The following METTL8 variants were observed in gnomAD, a reference collection of about 807,000 sequenced individuals.
METTL8 encodes the protein methyltransferase 8, tRNA N3-cytidine.
Under a neutral mutation model 48.7 loss-of-function variants are expected in METTL8, and 32 were observed. The observed-to-expected ratio is 0.66, with a 90% CI of 0.50 to 0.88. The LOEUF (loss-of-function observed/expected upper bound fraction) is 0.88. METTL8 is among the 40% of genes least tolerant of loss of function. The pLI, the probability that METTL8 is intolerant of heterozygous loss-of-function variation, is 0.00. For missense variants in METTL8, 464 were observed against 474.4 expected (o/e 0.98, Z 0.20); for synonymous variants, 136 against 157.1 (o/e 0.87, Z 1.01).
intron 1 of METTL8, among the ~76,000 whole-genome samples, chr2:171,432,861 T>C (rs1418057908): frequency 1.3e-5 from 2 of 152,184 alleles, no homozygotes; most frequent in African/African-American, 4.8e-5. Flanking sequence ...ATAGGCCAAT[T>C]GATATAAACA....
At chr2:171,424,290 A>C (rs917905054) in intron 1 of METTL8, among the ~76,000 whole-genome samples, 5 of 152,006 alleles carry the variant, frequency 3.3e-5, no homozygotes, top group African/African-American at 1.2e-4. Context: ...TGGAGCCCCC[A>C]CACAGAGTCC....
At chr2:171,374,424 G>T (rs1008509810) in intron 2 of METTL8, among the ~76,000 whole-genome samples, 4 of 152,034 alleles carry the variant, frequency 2.6e-5, no homozygotes, top group Admixed American at 6.6e-5. Context: ...AGTATACATA[G>T]ATCTCTCATT....
chr2:171,350,898 T>G (rs1453692528), intron 3 of METTL8, among the ~76,000 whole-genome samples: 1 of 152,242 alleles, frequency 6.6e-6, no homozygotes, highest in Non-Finnish European at 1.5e-5. Context: ...AAAAATTTTC[T>G]CCCATTCTGT....
rs374912025 is a variant in METTL8 at position 171,335,507 on chromosome 2, C to A, written c.656+1946G>T. 1.2e-3 allele frequency among the ~76,000 whole-genome samples: 190 copies of A among 152,258 alleles called. 4 individuals carry two copies. In the South Asian group the frequency reaches 0.038, roughly 31 times the overall value. On this transcript the variant is annotated intron_variant, in intron 5 of 9. Transcript: ENST00000375258. ...TAGTGCGATCTCAGCTCACTGCAACCTCCACCTCCTGGGTTCAAGCAATTC... is the reference window on the plus strand; with the variant it reads ...TAGTGCGATCTCAGCTCACTGCAACATCCACCTCCTGGGTTCAAGCAATTC...
intron 2 of METTL8, among the ~76,000 whole-genome samples, chr2:171,364,645 ATTG>A (rs1207673400): frequency 3.9e-5 from 6 of 152,152 alleles, no homozygotes; most frequent in Admixed American, 1.3e-4. Context: ...AATCTAAATA[ATTG>A]TGTATTTGGT....
At chr2:171,334,527 T>C (rs1156416372) in intron 5 of METTL8, among the ~76,000 whole-genome samples, 2 of 152,184 alleles carry the variant, frequency 1.3e-5, no homozygotes, top group African/African-American at 2.4e-5. Flanking sequence ...GGTCTAATTA[T>C]GGTAAAATAT....
At chr2:171,377,944 T>G (rs1031694814) in intron 2 of METTL8, among the ~76,000 whole-genome samples, 1 of 151,978 alleles carries the variant, frequency 6.6e-6, no homozygotes, top group Non-Finnish European at 1.5e-5. Flanking sequence ...AAAAAACACA[T>G]GCACATGCAT....
intron 7 of METTL8, among the ~76,000 whole-genome samples, chr2:171,329,043 T>C (rs557799110): frequency 1.3e-5 from 2 of 152,036 alleles, no homozygotes; most frequent in South Asian, 4.1e-4. Context: ...TGGAGTGCAG[T>C]GGTGCAATCT....
intron 3 of METTL8, among the ~76,000 whole-genome samples, chr2:171,355,408 TG>T: frequency 6.6e-6 from 1 of 152,140 alleles, no homozygotes; most frequent in Admixed American, 6.6e-5. Flanking sequence ...TTAGGCTACT[TG>T]GGGGTCAGGG....
At chr2:171,433,817 T>C (rs920505332) in intron 1 of METTL8, 66 bp downstream of exon 1, 1 of 153,050 alleles carries the variant, frequency 6.5e-6, no homozygotes, top group Non-Finnish European at 1.5e-5. Context: ...ATCTTCCTAA[T>C]ACAAAAGCAC....
chr2:171,353,122 C>A (rs1189719828), intron 3 of METTL8, among the ~76,000 whole-genome samples: 1 of 152,188 alleles, frequency 6.6e-6, no homozygotes, highest in African/African-American at 2.4e-5. Context: ...ATAAATTTCC[C>A]TCTACACACT....
chr2:171,390,012 C>G (rs1394463876), intron 2 of METTL8, among the ~76,000 whole-genome samples: 1 of 152,192 alleles, frequency 6.6e-6, no homozygotes, highest in Non-Finnish European at 1.5e-5. Flanking sequence ...GACAGGCTGA[C>G]TCTCCTGTTA....
At chr2:171,381,107 C>T (rs1687485784) in intron 2 of METTL8, among the ~76,000 whole-genome samples, 1 of 152,086 alleles carries the variant, frequency 6.6e-6, no homozygotes, top group Non-Finnish European at 1.5e-5. Flanking sequence ...TAAGTCCACA[C>T]ATCTACAACT....
rs1051802338 is a variant in METTL8, at chr2:171,324,212, T to C, written c.1184A>G (p.Asn395Ser). ...GAGTGTAGATACCATATTGGAGCTA[T>C]TCTGAGTCTGGTGCAATGGTTTCTG... ...KFQKPLHQTQNSSNMVSTLLS... is the reference protein window; with the variant it reads ...KFQKPLHQTQSSSNMVSTLLS... The change falls in exon 10 of 10, where the codon AAT becomes AGT. Residue 395 changes from asparagine (N) to serine (S), a missense_variant. Asn to Ser is a conservative substitution (Grantham distance 46, BLOSUM62 1). Coordinates refer to ENST00000375258, the MANE Select transcript of METTL8 (RefSeq NM_001321154.2). The C allele has an allele frequency of 8.4e-6, 13 of 1,550,380 alleles. No individual in the cohort carries two copies. Among genetic ancestry groups the C allele is most frequent in the Non-Finnish European group, 1.0e-5 (12 of 1,146,830 alleles).
intron 1 of METTL8, among the ~76,000 whole-genome samples, chr2:171,411,605 A>G (rs887639995): frequency 6.6e-6 from 1 of 152,220 alleles, no homozygotes; most frequent in Non-Finnish European, 1.5e-5. Flanking sequence ...GTATATTAAG[A>G]AAAGGGCCAC....
At chr2:171,424,351 A>C (rs965895449) in intron 1 of METTL8, among the ~76,000 whole-genome samples, 4 of 152,144 alleles carry the variant, frequency 2.6e-5, no homozygotes, top group African/African-American at 9.7e-5. Context: ...CCCATCCTCC[A>C]GACTCCAGAA....
At chr2:171,424,783 G>C (rs914404485) in intron 1 of METTL8, among the ~76,000 whole-genome samples, 103 of 152,176 alleles carry the variant, frequency 6.8e-4, no homozygotes, top group African/African-American at 2.4e-3. Context: ...TTGAGTTAAT[G>C]CTGGAATAAG....
At chr2:171,372,594 A>G (rs1004188159) in intron 2 of METTL8, among the ~76,000 whole-genome samples, 5 of 151,748 alleles carry the variant, frequency 3.3e-5, no homozygotes, top group African/African-American at 2.4e-5. Flanking sequence ...TTAACTCGTC[A>G]TTTACATTAG....
At chr2:171,417,296 T>C (rs562433574) in intron 1 of METTL8, among the ~76,000 whole-genome samples, 4 of 152,372 alleles carry the variant, frequency 2.6e-5, no homozygotes, top group African/African-American at 7.2e-5. Flanking sequence ...CAAAGTATTA[T>C]GGATACTGTT....
Sources: gnomAD v4.1 joint callset for allele counts (sites outside exome capture counted in the v4.1 genomes callset) on GRCh38, gnomAD v4.1.1 for gene constraint, MANE v1.5 for transcripts, NCBI Gene and HGNC (gene_info 2026-07-23, HGNC 2026-07-21) for gene names.